The following TSC22D2 variants were observed in gnomAD, a reference collection of about 807,000 sequenced individuals.
TSC22D2 encodes TSC22 domain family member 2, also known as TSC22 domain family protein 2.
Under a neutral mutation model 50.1 loss-of-function variants are expected in TSC22D2, and 5 were observed. The observed-to-expected ratio is 0.10, with a 90% CI of 0.05 to 0.21. The LOEUF (loss-of-function observed/expected upper bound fraction) is 0.21, where lower values mean the gene tolerates loss of function less well. Ranked by LOEUF, TSC22D2 falls within the 10% of genes least tolerant of loss-of-function variation. The pLI is 1.00. For synonymous variants in TSC22D2, 501 were observed against 450.1 expected (o/e 1.11, Z -1.43); for missense variants, 1,003 against 1,015.5 (o/e 0.99, Z 0.17).
chr3:150,409,882 G>A lies in TSC22D2; in HGVS notation c.532G>A (p.Gly178Ser). ...CGGGAGCGGAGAGCCCTATAGACGCGGCCGATGGACGTGTATGGAATACTA... is the reference window on the plus strand; with the variant it reads ...CGGGAGCGGAGAGCCCTATAGACGCAGCCGATGGACGTGTATGGAATACTA... ...DHGSGEPYRR[G>S]RWTCMEYYER... Residue 178 changes from glycine (G) to serine (S), a missense_variant, in exon 1 of 3, where the codon GGC becomes AGC. Physicochemically the swap from Gly to Ser is moderately conservative, Grantham distance 56. Around this residue, in one of 6 missense-constraint regions of TSC22D2, gnomAD observed 19 missense variants for 41.3 expected, o/e 0.46. Transcript: ENST00000688009. The surrounding 1 kb of genome is among the most constrained non-coding windows in gnomAD (Gnocchi z 7.4). 6.2e-7 allele frequency: 1 copy of A among 1,612,934 alleles called. No homozygotes were observed. Among genetic ancestry groups the A allele is most frequent in the Non-Finnish European group, 8.5e-7 (1 of 1,180,038 alleles).
chr3:150,416,764 T>G (rs1053636256), intron 1 of TSC22D2, among the ~76,000 whole-genome samples: 6 of 152,144 alleles, frequency 3.9e-5, no homozygotes, highest in African/African-American at 1.4e-4. Context: ...CTCTTCAGAT[T>G]TGGTTTAATA....
chr3:150,444,098 C>T (rs1720803748), intron 1 of TSC22D2, among the ~76,000 whole-genome samples: 1 of 152,070 alleles, frequency 6.6e-6, no homozygotes, highest in African/African-American at 2.4e-5. Context: ...GCGCACTTTC[C>T]TTCTTTCTCA....
chr3:150,426,961 C>T (rs1720213090), intron 1 of TSC22D2, among the ~76,000 whole-genome samples: 1 of 151,630 alleles, frequency 6.6e-6, no homozygotes, highest in Non-Finnish European at 1.5e-5. Context: ...CCAGTATTTC[C>T]TATCATTGTT....
chr3:150,436,639 G>A (rs191953701), intron 1 of TSC22D2, among the ~76,000 whole-genome samples: 1 of 152,206 alleles, frequency 6.6e-6, no homozygotes, highest in East Asian at 1.9e-4. Flanking sequence ...AACTTTAAAC[G>A]ACCACTTATC....
chr3:150,416,716 A>G (rs1227342381), intron 1 of TSC22D2, among the ~76,000 whole-genome samples: 1 of 152,122 alleles, frequency 6.6e-6, no homozygotes, highest in Non-Finnish European at 1.5e-5. Flanking sequence ...ATTCCTATAC[A>G]TTATTCCATG....
At chr3:150,442,763 G>A (rs1720759355) in intron 1 of TSC22D2, among the ~76,000 whole-genome samples, 1 of 152,068 alleles carries the variant, frequency 6.6e-6, no homozygotes, top group African/African-American at 2.4e-5. Flanking sequence ...CAGGAGTTTA[G>A]GAGCAGCTTG....
At chr3:150,424,599 G>A (rs775493951) in intron 1 of TSC22D2, among the ~76,000 whole-genome samples, 1 of 152,118 alleles carries the variant, frequency 6.6e-6, no homozygotes, top group South Asian at 2.1e-4. Context: ...TGTTGTTACA[G>A]CTAAATACTC....
Position 150,409,609 on chromosome 3 carries a change from A to G in TSC22D2, c.259A>G (p.Asn87Asp), listed in dbSNP as rs576839752. 2 of 1,607,260 alleles carry G rather than the reference A, an allele frequency of 1.2e-6. No homozygotes were observed. The highest frequency in any genetic ancestry group is 1.3e-5 in the African/African-American group (1 of 74,908). Residue 87 changes from asparagine to aspartate, a missense_variant, in exon 1 of 3, where the codon AAC becomes GAC. Around this residue, in one of 6 missense-constraint regions of TSC22D2, gnomAD observed 200 missense variants for 182.8 expected, o/e 1.09. Transcript: ENST00000688009. This position sits in a 1 kb window ranked among gnomAD's most constrained non-coding sequence, Gnocchi z 7.4. The stretch of plus-strand genomic sequence containing the variant: ...GGAGACTCCCGGGACCGTCTCCCCA[A>G]ACCTCCTCCTAGATGGGCAGCTGGC... Reference protein sequence around the residue: ...DAETPGTVSPNLLLDGQLAAA... With the variant: ...DAETPGTVSPDLLLDGQLAAA...
intron 1 of TSC22D2, chr3:150,423,096 A>G (rs1192525410): frequency 6.2e-7 from 1 of 1,613,018 alleles, no homozygotes; most frequent in South Asian, 1.1e-5. Context: ...AACACGTTAA[A>G]GGAATCAAAG....
In TSC22D2 at chr3:150,462,639, C is replaced by CT. The variant is rs59588626; in HGVS notation, c.*4018dup. ...TGCCTATTTTCTTTTTTTCTTTTTT[C>CT]TTTTTTTTTTTTTTTGAGACAGAGT... On this transcript the variant is annotated 3_prime_UTR_variant, in exon 3 of 3. Coordinates refer to ENST00000688009, the MANE Select transcript of TSC22D2 (RefSeq NM_001303264.2). 0.088 allele frequency: 11,644 copies of CT among 133,000 alleles called. 1,799 individuals carry two copies. The highest frequency in any genetic ancestry group is 0.3 in the African/African-American group (10,715 of 35,446). 8.2% of individuals were successfully genotyped at this position (133,000 alleles called of 1,614,324 possible).
At chr3:150,451,020 C>T (rs1412494870) in intron 1 of TSC22D2, among the ~76,000 whole-genome samples, 1 of 152,050 alleles carries the variant, frequency 6.6e-6, no homozygotes. Context: ...GTATAGCTTC[C>T]TTCTACTTGT....
In TSC22D2 at chr3:150,410,170, C is replaced by T. The variant is rs1719467963; in HGVS notation, c.820C>T (p.Pro274Ser). The stretch of plus-strand genomic sequence containing the variant: ...GCCGCAGAGTTTTAGCGTTGGGCAG[C>T]CACAGCCGCCGCCGCCACCCGTAGG... The part of the protein sequence containing the change: ...AQPQSFSVGQ[P>S]QPPPPPVGGA... Residue 274 changes from proline to serine, a missense_variant, in exon 1 of 3, where the codon CCA becomes TCA. Coordinates refer to ENST00000688009, the MANE Select transcript of TSC22D2 (RefSeq NM_001303264.2). 1 of 1,609,140 alleles carries T rather than the reference C, an allele frequency of 6.2e-7. No individual in the cohort carries two copies. Among genetic ancestry groups the T allele is most frequent in the African/African-American group, 1.3e-5 (1 of 74,894 alleles).
chr3:150,450,365 G>A (rs1721003928), intron 1 of TSC22D2, among the ~76,000 whole-genome samples: 1 of 152,038 alleles, frequency 6.6e-6, no homozygotes, highest in Middle Eastern at 3.2e-3. Context: ...TTTGTAAGTA[G>A]AAATTTTACC....
chr3:150,409,692 T>C lies in TSC22D2; in HGVS notation c.342T>C (p.Ser114=). The change falls in exon 1 of 3, where the codon TCT becomes TCC. Residue 114 remains serine (S), a synonymous_variant. Coordinates refer to ENST00000688009, the MANE Select transcript of TSC22D2 (RefSeq NM_001303264.2). This position sits in a 1 kb window ranked among gnomAD's most constrained non-coding sequence, Gnocchi z 7.4. The part of the protein sequence containing the change: ...GGGVVSARSV[S]GALASTLAAA... Reference sequence around the variant, plus strand: ...GAGTCGTTTCGGCCCGGAGCGTGTCTGGGGCGCTCGCCAGTACCCTGGCGG... The same window carrying C: ...GAGTCGTTTCGGCCCGGAGCGTGTCCGGGGCGCTCGCCAGTACCCTGGCGG... 6.3e-7 allele frequency: 1 copy of C among 1,588,392 alleles called. No individual in the cohort carries two copies.
Position 150,419,561 on chromosome 3 carries a change from A to C in TSC22D2, c.1958+8253A>C, listed in dbSNP as rs531889857. On this transcript the variant is annotated intron_variant, in intron 1 of 2. Coordinates refer to ENST00000688009, the MANE Select transcript of TSC22D2 (RefSeq NM_001303264.2). Reference sequence around the variant, plus strand: ...AGAAAGAGGTGTTTGTTGAGTGCTCAAGTACCTTATGCTTTAAGCTTTGAC... The same window carrying C: ...AGAAAGAGGTGTTTGTTGAGTGCTCCAGTACCTTATGCTTTAAGCTTTGAC... 1.4e-4 allele frequency among the ~76,000 whole-genome samples: 21 copies of C among 152,238 alleles called. 1 individual carries two copies. In the East Asian group the frequency reaches 4.0e-3, roughly 29 times the overall value.
At chr3:150,438,509 G>A (rs1258760857) in intron 1 of TSC22D2, among the ~76,000 whole-genome samples, 2 of 151,958 alleles carry the variant, frequency 1.3e-5, no homozygotes, top group African/African-American at 2.4e-5. Context: ...TAAGCCTTTC[G>A]AAGTCTCTTG....
In TSC22D2 at chr3:150,410,761, G is replaced by C. The variant is rs1307366422; in HGVS notation, c.1411G>C (p.Gly471Arg). 4 of 1,609,320 alleles carry C rather than the reference G, an allele frequency of 2.5e-6. No homozygotes were observed. Among genetic ancestry groups the C allele is most frequent in the South Asian group, 2.2e-5 (2 of 90,542 alleles). Residue 471 changes from glycine (G) to arginine (R), a missense_variant, in exon 1 of 3, where the codon GGT becomes CGT. Transcript: ENST00000688009. ...TVGGVVQPCLGPAGAGQPQSV... is the reference protein window; with the variant it reads ...TVGGVVQPCLRPAGAGQPQSV... Reference sequence around the variant, plus strand: ...GGGAGGCGTGGTGCAGCCGTGCCTCGGTCCTGCCGGGGCTGGGCAGCCCCA... The same window carrying C: ...GGGAGGCGTGGTGCAGCCGTGCCTCCGTCCTGCCGGGGCTGGGCAGCCCCA...
intron 1 of TSC22D2, among the ~76,000 whole-genome samples, chr3:150,429,087 G>C (rs1011102376): frequency 6.6e-6 from 1 of 152,142 alleles, no homozygotes; most frequent in African/African-American, 2.4e-5. Flanking sequence ...TTAAAGAGCT[G>C]TGTATTTGCT....
intron 1 of TSC22D2, among the ~76,000 whole-genome samples, chr3:150,446,093 CAAAAAAA>C (rs34550896): frequency 9.6e-6 from 1 of 104,076 alleles, no homozygotes; most frequent in African/African-American, 3.7e-5. Context: ...GACTCCATCT[CAAAAAAA>C]AAAAAAAAAA....
Sources: gnomAD v4.1 joint callset for allele counts (sites outside exome capture counted in the v4.1 genomes callset) on GRCh38, gnomAD v4.1.1 for gene constraint, gnomAD v4.1.1 regional missense constraint, Gnocchi (gnomAD v3.1) non-coding constraint, MANE v1.5 for transcripts, NCBI Gene and HGNC (gene_info 2026-07-23, HGNC 2026-07-21) for gene names.